NTRK3: variants seen among roughly 807,000 people sequenced by gnomAD.
The protein encoded by NTRK3 is neurotrophic receptor tyrosine kinase 3.
NTRK3 carries 24 observed loss-of-function variants against 91.7 expected under a neutral mutation model. That is an observed-to-expected ratio of 0.26 (90% CI 0.19 to 0.37). The LOEUF (loss-of-function observed/expected upper bound fraction) is 0.37. NTRK3 is among the 10% of genes least tolerant of loss of function. The pLI, the probability that NTRK3 is intolerant of heterozygous loss-of-function variation, is 1.00. For missense variants in NTRK3, 880 were observed against 1,068.9 expected, an observed-to-expected ratio of 0.82 and a Z score of 2.46; for synonymous variants, 483 against 404.0, an observed-to-expected ratio of 1.20 and a Z score of -2.34.
intron 17 of NTRK3, among the ~76,000 whole-genome samples, chr15:87,886,676 C>CTACATATATATATA (rs1555429880): frequency 5.9e-5 from 6 of 101,184 alleles, no homozygotes; most frequent in Admixed American, 1.0e-4. Flanking sequence ...CCACTTTTTG[C>CTACATATATATATA]TATATATATA....
chr15:88,153,000 C>T (rs2043534800), intron 5 of NTRK3, among the ~76,000 whole-genome samples: 1 of 152,202 alleles, frequency 6.6e-6, no homozygotes, highest in Non-Finnish European at 1.5e-5. Flanking sequence ...CTGCTGCTTG[C>T]AGAAAGGCAC....
intron 14 of NTRK3, among the ~76,000 whole-genome samples, chr15:87,950,728 C>A (rs963154525): frequency 6.6e-6 from 1 of 152,152 alleles, no homozygotes; most frequent in Non-Finnish European, 1.5e-5. Context: ...ACATTTGGAG[C>A]GTGTCGAAGG....
chr15:88,144,327 G>C (rs561623943), intron 6 of NTRK3, among the ~76,000 whole-genome samples: 37 of 152,288 alleles, frequency 2.4e-4, no homozygotes, highest in African/African-American at 7.9e-4. Context: ...CGCCCCCCTG[G>C]ACAGAGGGGA....
chr15:87,886,695 T>A (rs1174262185), intron 17 of NTRK3, among the ~76,000 whole-genome samples: 2 of 139,928 alleles, frequency 1.4e-5, no homozygotes, highest in Non-Finnish European at 3.0e-5. Flanking sequence ...TATATATATA[T>A]ATATACATAT....
Position 88,105,709 on chromosome 15 carries a change from A to C in NTRK3, c.1396+20562T>G, listed in dbSNP as rs182017297. Among the ~76,000 whole-genome samples, 974 of 152,106 alleles carry C rather than the reference A, an allele frequency of 6.4e-3. 14 individuals are homozygous for C. The highest frequency in any genetic ancestry group is 0.022 in the African/African-American group (921 of 41,414). ...CATGAGTGGAAATACACACACACAC[A>C]CACCCCCACACCAGAAGCACTGCCT... On this transcript the variant is annotated intron_variant, in intron 13 of 18. Coordinates refer to ENST00000394480, the Ensembl canonical transcript of NTRK3.
intron 16 of NTRK3, among the ~76,000 whole-genome samples, chr15:87,932,658 A>T (rs1369425): frequency 6.6e-6 from 1 of 151,968 alleles, no homozygotes; most frequent in African/African-American, 2.4e-5. Flanking sequence ...AAAGGGAGAA[A>T]GCTATTTGCA....
intron 3 of NTRK3, among the ~76,000 whole-genome samples, chr15:88,187,201 T>A (rs995591199): frequency 3.9e-5 from 6 of 152,164 alleles, no homozygotes; most frequent in Non-Finnish European, 1.5e-5. Flanking sequence ...AAAAACCCCA[T>A]GTGGCAGAGT....
chr15:87,899,151 T>C (rs1227640486), intron 17 of NTRK3, among the ~76,000 whole-genome samples: 1 of 152,204 alleles, frequency 6.6e-6, no homozygotes, highest in Non-Finnish European at 1.5e-5. Context: ...AGGTATTCTC[T>C]GGGTCCAGGA....
intron 13 of NTRK3, among the ~76,000 whole-genome samples, chr15:88,119,868 C>A (rs1597421401): frequency 6.6e-6 from 1 of 152,208 alleles, no homozygotes; most frequent in East Asian, 1.9e-4. Flanking sequence ...CTCAACAATA[C>A]CAATAGTGCT....
At chr15:87,924,519 G>A (rs926222196) in intron 17 of NTRK3, among the ~76,000 whole-genome samples, 1 of 152,132 alleles carries the variant, frequency 6.6e-6, no homozygotes, top group East Asian at 1.9e-4. Flanking sequence ...TAGACACTCT[G>A]TTCTGTCTCC....
intron 14 of NTRK3, among the ~76,000 whole-genome samples, chr15:87,952,664 T>C (rs2071251540): frequency 6.6e-6 from 1 of 152,166 alleles, no homozygotes; most frequent in African/African-American, 2.4e-5. Context: ...CCGCGTGACC[T>C]CTGCATTTGG....
At chr15:88,109,002 A>G (rs1010804259) in intron 13 of NTRK3, among the ~76,000 whole-genome samples, 1 of 152,202 alleles carries the variant, frequency 6.6e-6, no homozygotes, top group East Asian at 1.9e-4. Flanking sequence ...ACCCCTCACT[A>G]TTTTCCAACC....
intron 13 of NTRK3, among the ~76,000 whole-genome samples, chr15:88,106,053 G>C (rs552024158): frequency 1.3e-5 from 2 of 152,228 alleles, no homozygotes; most frequent in African/African-American, 2.4e-5. Context: ...GTATGTGTGC[G>C]TATGTTCAAG....
intron 17 of NTRK3, among the ~76,000 whole-genome samples, chr15:87,893,104 A>G (rs2065929943): frequency 6.6e-6 from 1 of 152,212 alleles, no homozygotes; most frequent in South Asian, 2.1e-4. Flanking sequence ...TAGGAGCATA[A>G]ACATTTCAAG....
chr15:87,973,067 A>G (rs532274921), intron 14 of NTRK3, among the ~76,000 whole-genome samples: 1 of 152,270 alleles, frequency 6.6e-6, no homozygotes, highest in South Asian at 2.1e-4. Context: ...CTGGCCCAGG[A>G]GCATACAGAA....
intron 13 of NTRK3, chr15:88,072,317 T>C (rs2047162084): frequency 1.1e-5 from 2 of 189,078 alleles, no homozygotes; most frequent in Non-Finnish European, 1.1e-5. Context: ...AACATCCTTT[T>C]CATACTCCCC....
chr15:88,117,553 G>A (rs1597407460), intron 13 of NTRK3, among the ~76,000 whole-genome samples: 1 of 152,196 alleles, frequency 6.6e-6, no homozygotes, highest in Non-Finnish European at 1.5e-5. Context: ...AGCTAGCTTC[G>A]TGGACCTGTG....
At chr15:88,251,030 C>T (rs528948046) in intron 3 of NTRK3, among the ~76,000 whole-genome samples, 91 of 152,316 alleles carry the variant, frequency 6.0e-4, no homozygotes, top group South Asian at 5.2e-3. Flanking sequence ...TGGGGAGTCA[C>T]GAAGCTGGGT....
Position 88,005,763 on chromosome 15 carries a change from TAC to T in NTRK3, c.1585+27092_1585+27093del, listed in dbSNP as rs1169492313. Among the ~76,000 whole-genome samples, 3 of 152,140 alleles carry T rather than the reference TAC, an allele frequency of 2.0e-5. No individual in the cohort carries two copies. In the South Asian group the frequency reaches 6.2e-4, roughly 32 times the overall value. On this transcript the variant is annotated intron_variant, in intron 14 of 18. Coordinates refer to ENST00000394480, the Ensembl canonical transcript of NTRK3. ...ACCCTCCCCCATCTACCCCAACAAC[TAC>T]ACAGTCTACACTTCAATTTCCATAA... is the stretch of plus-strand genomic sequence containing the variant.
Sources: allele counts gnomAD v4.1 joint callset (sites outside exome capture counted in the v4.1 genomes callset), GRCh38; gene constraint gnomAD v4.1.1; transcripts MANE v1.5; gene names NCBI Gene and HGNC (gene_info 2026-07-23, HGNC 2026-07-21).